The following MSRB3 variants were observed in gnomAD, a reference collection of about 807,000 sequenced individuals.
The protein encoded by MSRB3 is methionine-R-sulfoxide reductase B3.
Under a neutral mutation model 21.0 loss-of-function variants are expected in MSRB3, and 13 were observed. That is an observed-to-expected ratio of 0.62 (90% CI 0.40 to 0.98). The LOEUF (loss-of-function observed/expected upper bound fraction) is 0.98, where lower values mean the gene tolerates loss of function less well. Ranked by LOEUF, MSRB3 falls within the 50% of genes least tolerant of loss-of-function variation. The pLI is 0.00. For synonymous variants in MSRB3, 87 were observed against 88.6 expected, an observed-to-expected ratio of 0.98 and a Z score of 0.10; for missense variants, 199 against 230.3, an observed-to-expected ratio of 0.86 and a Z score of 0.88.
intron 4 of MSRB3, among the ~76,000 whole-genome samples, chr12:65,356,612 A>G (rs1237596278): frequency 6.6e-6 from 1 of 151,924 alleles, no homozygotes; most frequent in Admixed American, 6.6e-5. Context: ...TTACTAATAT[A>G]AACAAATTGG....
intron 1 of MSRB3, among the ~76,000 whole-genome samples, chr12:65,302,694 A>T (rs1342432931): frequency 6.6e-6 from 1 of 152,200 alleles, no homozygotes; most frequent in Admixed American, 6.6e-5. Context: ...ATTCCAGCCA[A>T]TGAGCTATGG....
intron 4 of MSRB3, among the ~76,000 whole-genome samples, chr12:65,332,527 T>A (rs1053168664): frequency 2.0e-5 from 3 of 152,044 alleles, no homozygotes; most frequent in Admixed American, 2.0e-4. Flanking sequence ...AGGAGATATA[T>A]TTAATGTAAA....
intron 4 of MSRB3, among the ~76,000 whole-genome samples, chr12:65,356,988 C>T (rs191327517): frequency 9.4e-4 from 143 of 151,824 alleles, no homozygotes; most frequent in African/African-American, 2.9e-3. Context: ...TATCCTGTGT[C>T]GGACCATGCA....
At chr12:65,340,933 C>T (rs1876097040) in intron 4 of MSRB3, among the ~76,000 whole-genome samples, 1 of 151,838 alleles carries the variant, frequency 6.6e-6, no homozygotes, top group South Asian at 2.1e-4. Context: ...ATTGAGTTAT[C>T]ACAAAAATAA....
At chr12:65,424,454 A>T (rs932802576) in intron 5 of MSRB3, among the ~76,000 whole-genome samples, 2 of 151,900 alleles carry the variant, frequency 1.3e-5, no homozygotes, top group African/African-American at 4.8e-5. Flanking sequence ...ATTGCTAAGA[A>T]CTTTCCTTTT....
chr12:65,463,216 G>C lies in MSRB3; in HGVS notation c.452G>C (p.Cys151Ser), dbSNP rs778417817. ...DGPRPTGKRYCINSAALSFTP... is the reference protein window; with the variant it reads ...DGPRPTGKRYSINSAALSFTP... ...CCTCGTCCAACTGGGAAAAGATACT[G>C]CATAAATTCGGCTGCCTTGTCTTTT... Residue 151 changes from cysteine to serine, a missense_variant, in exon 7 of 7, where the codon TGC (cysteine) becomes TCC (serine). Transcript: ENST00000308259. 1.2e-6 allele frequency: 2 copies of C among 1,614,184 alleles called. No individual in the cohort carries two copies. The highest frequency in any genetic ancestry group is 1.7e-6 in the Non-Finnish European group (2 of 1,180,036).
chr12:65,398,421 T>C (rs1478330682), intron 5 of MSRB3, among the ~76,000 whole-genome samples: 2 of 152,232 alleles, frequency 1.3e-5, no homozygotes, highest in Non-Finnish European at 2.9e-5. Flanking sequence ...TTGTGAAATG[T>C]CTGTTCATAT....
rs530661611 is a variant in MSRB3 at position 65,405,735 on chromosome 12, C to G, written c.292+36709C>G. 1.7e-3 allele frequency among the ~76,000 whole-genome samples: 264 copies of G among 152,152 alleles called. 2 individuals carry two copies. Among genetic ancestry groups the G allele is most frequent in the African/African-American group, 6.1e-3 (253 of 41,526 alleles). ...GTGTTCCCTTCTCTCCACATTCTTA[C>G]CAACACTTTTATCTTTCACCTTCTT... On this transcript the variant is annotated intron_variant, in intron 5 of 6. Coordinates refer to ENST00000308259, the MANE Select transcript of MSRB3 (RefSeq NM_001031679.3).
intron 4 of MSRB3, among the ~76,000 whole-genome samples, chr12:65,361,075 A>G (rs972595241): frequency 5.3e-5 from 8 of 151,034 alleles, no homozygotes; most frequent in Middle Eastern, 3.4e-3. Flanking sequence ...ATATAGTGCT[A>G]TTTTTTTTTA....
At chr12:65,322,949 A>G (rs1196169903) in intron 2 of MSRB3, among the ~76,000 whole-genome samples, 1 of 152,186 alleles carries the variant, frequency 6.6e-6, no homozygotes, top group African/African-American at 2.4e-5. Context: ...TTCCCACTTT[A>G]ATCATAAAAA....
At chr12:65,381,163 G>C (rs943954479) in intron 5 of MSRB3, among the ~76,000 whole-genome samples, 3 of 152,072 alleles carry the variant, frequency 2.0e-5, no homozygotes, top group Non-Finnish European at 4.4e-5. Context: ...AGAGTTAACT[G>C]GTTCTAGAGA....
chr12:65,401,492 C>T (rs1016623712), intron 5 of MSRB3, among the ~76,000 whole-genome samples: 1 of 152,126 alleles, frequency 6.6e-6, no homozygotes, highest in African/African-American at 2.4e-5. Flanking sequence ...TTATTTTGAG[C>T]TTATATGTGT....
intron 4 of MSRB3, among the ~76,000 whole-genome samples, chr12:65,352,666 A>G (rs952204611): frequency 6.6e-6 from 1 of 151,934 alleles, no homozygotes; most frequent in African/African-American, 2.4e-5. Context: ...CTTATACACC[A>G]ATAACAGACA....
chr12:65,287,685 C>T (rs568044872), intron 1 of MSRB3, among the ~76,000 whole-genome samples: 1 of 152,172 alleles, frequency 6.6e-6, no homozygotes, highest in East Asian at 1.9e-4. Flanking sequence ...TGTAGTCCCC[C>T]TTGTTTCTGA....
intron 5 of MSRB3, among the ~76,000 whole-genome samples, chr12:65,427,573 A>T (rs1184832185): frequency 6.6e-6 from 1 of 152,102 alleles, no homozygotes. Context: ...CTAGTGTCTG[A>T]TGAGTGGTGC....
At chr12:65,306,000 A>G (rs1290659905) in intron 1 of MSRB3, among the ~76,000 whole-genome samples, 1 of 152,170 alleles carries the variant, frequency 6.6e-6, no homozygotes. Context: ...AGCACTTTTA[A>G]CCAATTAACT....
chr12:65,455,305 C>G (rs1200189123), intron 6 of MSRB3, among the ~76,000 whole-genome samples: 2 of 151,382 alleles, frequency 1.3e-5, no homozygotes, highest in African/African-American at 4.9e-5. Context: ...ACTACTCTCT[C>G]TCTTGAAAAT....
chr12:65,329,682 A>AATGGAATT (rs2136455188), intron 4 of MSRB3, among the ~76,000 whole-genome samples: 1 of 152,222 alleles, frequency 6.6e-6, no homozygotes, highest in South Asian at 2.1e-4. Context: ...ATTTATTTAA[A>AATGGAATT]ATGGAATTAC....
At chr12:65,448,236 T>C (rs902603116) in intron 5 of MSRB3, among the ~76,000 whole-genome samples, 27 of 152,238 alleles carry the variant, frequency 1.8e-4, no homozygotes, top group Admixed American at 6.5e-5. Flanking sequence ...CTACTTAAGC[T>C]AGATATTCAT....
Sources: allele counts gnomAD v4.1 joint callset (sites outside exome capture counted in the v4.1 genomes callset), GRCh38; gene constraint gnomAD v4.1.1; transcripts MANE v1.5; gene names NCBI Gene and HGNC (gene_info 2026-07-23, HGNC 2026-07-21).